The following MACF1 variants were observed in gnomAD, a reference collection of about 807,000 sequenced individuals.
MACF1 encodes microtubule-actin cross-linking factor 1.
In MACF1, 193 loss-of-function variants were observed where a neutral mutation model predicts 854.8. The ratio of observed to expected loss-of-function variants is 0.23; its 90% confidence interval spans 0.20 to 0.25. The LOEUF is 0.25. Among genes scored for constraint, MACF1 ranks in the 10% least tolerant of loss-of-function variants. The pLI is 1.00. For synonymous variants in MACF1, 3,185 were observed against 3,226.7 expected, an observed-to-expected ratio of 0.99 and a Z score of 0.44; for missense variants, 7,722 against 8,929.1, an observed-to-expected ratio of 0.86 and a Z score of 5.45.
At chr1:39,123,486 G>C (rs1027507787) in intron 2 of MACF1, among the ~76,000 whole-genome samples, 1 of 151,622 alleles carries the variant, frequency 6.6e-6, no homozygotes, top group African/African-American at 2.4e-5. Flanking sequence ...GGGATTACAG[G>C]TGTGAGCCAC....
At chr1:39,243,920 C>T (rs1644952345) in intron 2 of MACF1, among the ~76,000 whole-genome samples, 1 of 151,840 alleles carries the variant, frequency 6.6e-6, no homozygotes, top group South Asian at 2.1e-4. Context: ...ACAGAAGCAC[C>T]CAGTAAATGT....
intron 2 of MACF1, among the ~76,000 whole-genome samples, chr1:39,089,238 A>G (rs1277421118): frequency 6.6e-6 from 1 of 152,142 alleles, no homozygotes; most frequent in Non-Finnish European, 1.5e-5. Flanking sequence ...AAATAATTAT[A>G]TCCCCGTATG....
chr1:39,168,666 A>AC (rs1458838356), intron 2 of MACF1, among the ~76,000 whole-genome samples: 3 of 152,016 alleles, frequency 2.0e-5, no homozygotes, highest in Non-Finnish European at 4.4e-5. Flanking sequence ...CAGCTGAGTG[A>AC]CCTGGGGCAA....
rs1641847568 is a variant in MACF1 at position 39,387,391 on chromosome 1, A to G, written c.14549A>G (p.Tyr4850Cys). Residue 4850 changes from tyrosine to cysteine, a missense_variant, in exon 58 of 101, where the codon TAT (tyrosine) becomes TGT (cysteine). By Grantham distance (194) the Tyr-to-Cys change is radical. Transcript: ENST00000564288. ...QKSLNQHSGSYEVIVAEGESL... is the reference protein window; with the variant it reads ...QKSLNQHSGSCEVIVAEGESL... ...AGTCTTAATCAACACAGTGGCTCCT[A>G]TGAGGTGATTGTGGCTGAAGGGGAA... 1 of 1,614,222 alleles carries G rather than the reference A, an allele frequency of 6.2e-7. No individual in the cohort carries two copies. The highest frequency in any genetic ancestry group is 1.1e-5 in the South Asian group (1 of 91,086).
At position 39,433,191 on chromosome 1, in the gene MACF1, GT is replaced by G. The variant is rs776342636; in HGVS notation, c.17565+41del. On this transcript the variant is annotated intron_variant, in intron 68 of 100. Transcript: ENST00000564288. Reference sequence around the variant, plus strand: ...TTTATTTATTTGCCATATTGTTCCTGTTTTTATCATGGTGAATTAGAAGCAC... The same window carrying G: ...TTTATTTATTTGCCATATTGTTCCTGTTTTATCATGGTGAATTAGAAGCAC... 5 of 1,297,668 alleles carry G rather than the reference GT, an allele frequency of 3.9e-6. No homozygotes were observed. In the African/African-American group the frequency reaches 5.9e-5, roughly 15 times the overall value. 80.4% of individuals were successfully genotyped at this position (1,297,668 alleles called of 1,614,324 possible). A position where few individuals can be genotyped will look rare whatever the true frequency, so the allele number is the denominator to read the frequency against.
intron 35 of MACF1, 136 bp downstream of exon 35, chr1:39,324,870 C>G: frequency 1.7e-6 from 1 of 594,320 alleles, no homozygotes; most frequent in Non-Finnish European, 3.0e-6. Context: ...GTAGTTCATA[C>G]GGAGGAGTTT....
At chr1:39,410,091 G>A (rs1207741754) in intron 58 of MACF1, 9 of 502,334 alleles carry the variant, frequency 1.8e-5, no homozygotes, top group Non-Finnish European at 3.1e-5. Context: ...TTGTCTTAGA[G>A]CTTCTCCCAG....
In MACF1 at chr1:39,388,598, C is replaced by G; in HGVS notation, c.15756C>G (p.Ala5252=). The G allele has an allele frequency of 6.2e-7, 1 of 1,612,950 alleles. No individual in the cohort carries two copies. The highest frequency in any genetic ancestry group is 8.5e-7 in the Non-Finnish European group (1 of 1,179,698). The change falls in exon 58 of 101, where the codon GCC becomes GCG. Residue 5252 remains alanine (A), a synonymous_variant. Coordinates refer to ENST00000564288, the MANE Select transcript of MACF1 (RefSeq NM_001394062.1). The part of the protein sequence containing the change: ...DATTAAEEAE[A]LQWVVGTEVE... ...CCACAGCAGCAGAGGAGGCAGAGGCCCTCCAGTGGGTAGTGGGGACCGAAG... is the reference window on the plus strand; with the variant it reads ...CCACAGCAGCAGAGGAGGCAGAGGCGCTCCAGTGGGTAGTGGGGACCGAAG...
intron 97 of MACF1, among the ~76,000 whole-genome samples, chr1:39,479,575 A>G (rs1036409246): frequency 3.3e-5 from 5 of 152,204 alleles, no homozygotes; most frequent in Admixed American, 6.6e-5. Flanking sequence ...GGTCCTTTAT[A>G]CACAGAGACT....
At chr1:39,373,944 C>G (rs1445768916) in intron 52 of MACF1, among the ~76,000 whole-genome samples, 4 of 150,818 alleles carry the variant, frequency 2.7e-5, no homozygotes, top group African/African-American at 7.3e-5. Flanking sequence ...GTCTTTGAAG[C>G]AAAATCTAAT....
chr1:39,181,181 T>C (rs907940374), intron 2 of MACF1, among the ~76,000 whole-genome samples: 4 of 152,254 alleles, frequency 2.6e-5, no homozygotes, highest in Non-Finnish European at 5.9e-5. Context: ...GTGCTGGGAT[T>C]ATAGGCGTGA....
chr1:39,155,489 T>C (rs1474142420), intron 2 of MACF1, among the ~76,000 whole-genome samples: 1 of 152,216 alleles, frequency 6.6e-6, no homozygotes, highest in Non-Finnish European at 1.5e-5. Context: ...ATCTGACTCT[T>C]TTCAGCACTT....
At chr1:39,383,331 T>C (rs777235183) in intron 56 of MACF1, among the ~76,000 whole-genome samples, 15 of 152,198 alleles carry the variant, frequency 9.9e-5, no homozygotes, top group Non-Finnish European at 1.6e-4. Flanking sequence ...TTTAGTCTAC[T>C]TAACAAATAT....
Position 39,349,672 on chromosome 1 carries a change from G to A in MACF1, c.10965+45G>A, listed in dbSNP as rs41270811. On this transcript the variant is annotated intron_variant, in intron 42 of 100. Transcript: ENST00000564288. ...TTTTGACACAAAGTCTCGCTCTATC[G>A]CTTAGGCTGGAGTACAGTGGTGTTA... 0.2 allele frequency: 313,312 copies of A among 1,598,238 alleles called. 32,545 individuals carry two copies. The highest frequency in any genetic ancestry group is 0.21 in the Non-Finnish European group (249,183 of 1,170,444).
intron 6 of MACF1, chr1:39,269,619 C>G (rs1435941131): frequency 7.8e-7 from 1 of 1,289,744 alleles, no homozygotes; most frequent in Admixed American, 2.3e-5. Flanking sequence ...TGGGATCCAG[C>G]CTAAAGATAC....
chr1:39,194,351 CTTTTT>C (rs749853544), intron 2 of MACF1, among the ~76,000 whole-genome samples: 52 of 35,520 alleles, frequency 1.5e-3, no homozygotes, highest in Non-Finnish European at 2.0e-3. Context: ...CTTTTCTTTT[CTTTTT>C]TTTTTTTTTT....
Position 39,084,325 on chromosome 1 carries a change from C to T in MACF1, c.107C>T (p.Pro36Leu). 1 of 1,613,968 alleles carries T rather than the reference C, an allele frequency of 6.2e-7. No individual in the cohort carries two copies. Reference sequence around the variant, plus strand: ...AGCGAGCGGTCGGGGAGCCTGTCTCCCTGTCCCCCAGGGGACACCTTGCCC... The same window carrying T: ...AGCGAGCGGTCGGGGAGCCTGTCTCTCTGTCCCCCAGGGGACACCTTGCCC... The change falls in exon 2 of 94, where the codon CCC becomes CTC. Residue 36 changes from proline to leucine, a missense_variant. By Grantham distance (98) the Pro-to-Leu change is moderately conservative (BLOSUM62 -3). Transcript: ENST00000361689. This position sits in a 1 kb window ranked among gnomAD's most constrained non-coding sequence, Gnocchi z 5.2.
Position 39,336,439 on chromosome 1 carries a change from A to T in MACF1, c.9851A>T (p.Asn3284Ile), listed in dbSNP as rs1295771194. Reference sequence around the variant, plus strand: ...TTCAAAGGAGTGTCTCAAAAAGAGAATACAGGGCAACAGAATGCCATCATT... The same window carrying T: ...TTCAAAGGAGTGTCTCAAAAAGAGATTACAGGGCAACAGAATGCCATCATT... ...KLFKGVSQKE[N>I]TGQQNAIISP... Residue 3284 changes from asparagine (N) to isoleucine (I), a missense_variant, in exon 37 of 101, where the codon AAT becomes ATT. By Grantham distance (149) the Asn-to-Ile change is moderately radical (BLOSUM62 -3). Transcript: ENST00000564288. The T allele has an allele frequency of 3.7e-6, 6 of 1,614,098 alleles. No homozygotes were observed. The highest frequency in any genetic ancestry group is 5.1e-6 in the Non-Finnish European group (6 of 1,180,042).
At chr1:39,213,317 C>T (rs1432636991) in intron 1 of MACF1, among the ~76,000 whole-genome samples, 1 of 152,114 alleles carries the variant, frequency 6.6e-6, no homozygotes, top group Non-Finnish European at 1.5e-5. Flanking sequence ...AGAGTCCCTA[C>T]ACTCAGATAA....
Sources: allele counts gnomAD v4.1 joint callset (sites outside exome capture counted in the v4.1 genomes callset), GRCh38; gene constraint gnomAD v4.1.1; non-coding constraint Gnocchi (gnomAD v3.1); transcripts MANE v1.5; gene names NCBI Gene and HGNC (gene_info 2026-07-23, HGNC 2026-07-21).